The following PCDHGA7 variants were observed in gnomAD, a reference collection of about 807,000 sequenced individuals.
PCDHGA7 encodes the protein protocadherin gamma-A7.
A neutral mutation model predicts 58.3 loss-of-function variants in PCDHGA7; 44 were observed. The ratio of observed to expected loss-of-function variants is 0.75; its 90% CI spans 0.59 to 0.97. PCDHGA7 has a LOEUF of 0.97. PCDHGA7 is among the 50% of genes least tolerant of loss of function. The pLI, the probability that PCDHGA7 is intolerant of heterozygous loss-of-function variation, is 0.00. For synonymous variants in PCDHGA7, 516 were observed against 504.2 expected (o/e 1.02, Z -0.31); for missense variants, 1,266 against 1,188.7 (o/e 1.06, Z -0.96).
At position 141,384,580 on chromosome 5, in the gene PCDHGA7, G is replaced by T; in HGVS notation, c.1681G>T (p.Glu561Ter). 6.2e-7 allele frequency: 1 copy of T among 1,614,196 alleles called. No homozygotes were observed. The highest frequency in any genetic ancestry group is 8.5e-7 in the Non-Finnish European group (1 of 1,180,026). ...GCTGGACCAGAATGACAACCCGCCC[G>T]AGATCCTGTACCCGGCCCTCCCCAC... ...FVLDQNDNPP[E>*]ILYPALPTDG... The change falls in exon 1 of 4, where the codon GAG becomes TAG. Residue 561 changes from glutamate (E) to a stop codon, truncating the protein, a stop_gained. Transcript: ENST00000518325. LOFTEE classifies it high-confidence loss of function.
intron 1 of PCDHGA7, among the ~76,000 whole-genome samples, chr5:141,458,081 G>GTTT (rs1259527184): frequency 6.6e-6 from 1 of 152,186 alleles, no homozygotes; most frequent in Non-Finnish European, 1.5e-5. Flanking sequence ...CTATATTGCC[G>GTTT]TAAGTTAAGA....
At position 141,436,288 on chromosome 5, in the gene PCDHGA7, C is replaced by T. The variant is rs533281663; in HGVS notation, c.2424+50965C>T. On this transcript the variant is annotated intron_variant, in intron 1 of 3. Coordinates refer to ENST00000518325, the MANE Select transcript of PCDHGA7 (RefSeq NM_018920.4). ...CACCTAACTTGATTTAGGAACAAATCATTGAGAGTTAGAGCATGAATAGTC... is the reference window on the plus strand; with the variant it reads ...CACCTAACTTGATTTAGGAACAAATTATTGAGAGTTAGAGCATGAATAGTC... 3.9e-3 allele frequency among the ~76,000 whole-genome samples: 590 copies of T among 152,274 alleles called. 9 individuals are homozygous for T. Among genetic ancestry groups the T allele is most frequent in the Middle Eastern group, 0.01 (3 of 294 alleles).
At chr5:141,392,571 G>A (rs920993262) in intron 1 of PCDHGA7, 5 of 449,626 alleles carry the variant, frequency 1.1e-5, no homozygotes, top group African/African-American at 1.0e-4. Flanking sequence ...TAACTATTTA[G>A]GACTGTAAGC....
intron 1 of PCDHGA7, chr5:141,388,479 C>A (rs1345463224): frequency 6.2e-7 from 1 of 1,613,770 alleles, no homozygotes. Context: ...ATTGAAGACA[C>A]CTTTGGACAG....
Position 141,491,869 on chromosome 5 carries a change from G to A in PCDHGA7, c.2425-2938G>A. On this transcript the variant is annotated intron_variant, in intron 1 of 3. Transcript: ENST00000518325. The surrounding 1 kb of genome is among the most constrained non-coding windows in gnomAD (Gnocchi z 6.9). ...GGACCGTTTGCGCGAAACCAGAGTG[G>A]CCGATTAAGGGATGGGGCTCCGAGC... The A allele has an allele frequency of 6.9e-7, 1 of 1,453,094 alleles. No individual in the cohort carries two copies. Among genetic ancestry groups the A allele is most frequent in the Non-Finnish European group, 9.1e-7 (1 of 1,099,380 alleles). 90.0% of individuals were successfully genotyped at this position (1,453,094 alleles called of 1,614,324 possible).
In PCDHGA7 at chr5:141,485,275, G is replaced by C. The variant is rs77402299; in HGVS notation, c.2425-9532G>C. ...ACGTTTGTGGGCAGATCCGCTACCC[G>C]GTCCCAGAGGAGTCACAGGAAGGGA... On this transcript the variant is annotated intron_variant, in intron 1 of 3. Transcript: ENST00000518325. The surrounding 1 kb of genome is among the most constrained non-coding windows in gnomAD (Gnocchi z 5.7). The C allele has an allele frequency of 2.5e-6, 4 of 1,614,072 alleles. No individual in the cohort carries two copies. Among genetic ancestry groups the C allele is most frequent in the Admixed American group, 1.7e-5 (1 of 60,024 alleles).
chr5:141,382,742 A>G lies in PCDHGA7; in HGVS notation c.-158A>G. 1.7e-6 allele frequency: 1 copy of G among 585,144 alleles called. No individual in the cohort carries two copies. The highest frequency in any genetic ancestry group is 2.9e-6 in the Non-Finnish European group (1 of 345,064). The allele number at this position is 585,144 out of a possible 1,614,324, so 36.2% of individuals were successfully genotyped here. On this transcript the variant is annotated 5_prime_UTR_variant, in exon 1 of 4. Transcript: ENST00000518325. ...GAGTTTTACAGCACAGAGAAACGAC[A>G]GATTGCGATAAGCCCTCTTCCAGGC...
intron 1 of PCDHGA7, chr5:141,404,321 T>C (rs764642673): frequency 1.2e-6 from 2 of 1,613,882 alleles, no homozygotes; most frequent in East Asian, 2.2e-5. Flanking sequence ...TCAAGCCTCC[T>C]ACTCAGTCTA....
In PCDHGA7 at chr5:141,476,336, C is replaced by A; in HGVS notation, c.2425-18471C>A. 18 of 1,614,008 alleles carry A rather than the reference C, an allele frequency of 1.1e-5. No homozygotes were observed. Among genetic ancestry groups the A allele is most frequent in the Non-Finnish European group, 1.5e-5 (18 of 1,180,008 alleles). ...GTTCCGGGTGGTGTCTGGAGCTAGC[C>A]GAAGATTCTTTGAGGTGAACCGGGA... On this transcript the variant is annotated intron_variant, in intron 1 of 3. Coordinates refer to ENST00000518325, the MANE Select transcript of PCDHGA7 (RefSeq NM_018920.4). The surrounding 1 kb of genome is among the most constrained non-coding windows in gnomAD (Gnocchi z 7.6).
chr5:141,429,048 G>A (rs2097180589), intron 1 of PCDHGA7: 5 of 152,064 alleles, frequency 3.3e-5, no homozygotes, highest in Admixed American at 3.3e-4. Context: ...TACAGACGGG[G>A]TTTCACCGTG....
rs1779161077 is a variant in PCDHGA7 at position 141,383,469 on chromosome 5, G to A, written c.570G>A (p.Lys190=). Residue 190 remains lysine (K), a synonymous_variant, in exon 1 of 4, where the codon AAG becomes AAA. Coordinates refer to ENST00000518325, the MANE Select transcript of PCDHGA7 (RefSeq NM_018920.4). ...TGCAAAGTGGAGACGATGAAACTAA[G>A]TACCCGGAACTGGTGCTGGAGCGGG... ...LAVQSGDDET[K]YPELVLERVL... is the part of the protein sequence containing the mutation. 1 of 1,613,786 alleles carries A rather than the reference G, an allele frequency of 6.2e-7. No homozygotes were observed. Among genetic ancestry groups the A allele is most frequent in the South Asian group, 1.1e-5 (1 of 91,058 alleles).
In PCDHGA7 at chr5:141,486,581, C is replaced by T; in HGVS notation, c.2425-8226C>T. 1 of 1,613,764 alleles carries T rather than the reference C, an allele frequency of 6.2e-7. No individual in the cohort carries two copies. The highest frequency in any genetic ancestry group is 1.1e-5 in the South Asian group (1 of 91,082). On this transcript the variant is annotated intron_variant, in intron 1 of 3. Coordinates refer to ENST00000518325, the MANE Select transcript of PCDHGA7 (RefSeq NM_018920.4). This position sits in a 1 kb window ranked among gnomAD's most constrained non-coding sequence, Gnocchi z 5.0. ...GGTGTTTGTTCCTGAGAACAATCGC[C>T]CAGGGGACCTGCTTTGCTCCCTTGC... is the stretch of plus-strand genomic sequence containing the variant.
At position 141,415,520 on chromosome 5, in the gene PCDHGA7, C is replaced by A. The variant is rs200535016; in HGVS notation, c.2424+30197C>A. The A allele has an allele frequency of 1.8e-4, 288 of 1,614,072 alleles. 3 individuals carry two copies. The highest frequency in any genetic ancestry group is 6.7e-5 in the Non-Finnish European group (79 of 1,180,044). On this transcript the variant is annotated intron_variant, in intron 1 of 3. Coordinates refer to ENST00000518325, the MANE Select transcript of PCDHGA7 (RefSeq NM_018920.4). Reference sequence around the variant, plus strand: ...TTCCCCCAGCCCAATTATGCGGACACGCTCATCAGCCAGGAGAGCTGTGAG... The same window carrying A: ...TTCCCCCAGCCCAATTATGCGGACAAGCTCATCAGCCAGGAGAGCTGTGAG...
intron 1 of PCDHGA7, among the ~76,000 whole-genome samples, chr5:141,456,691 G>A (rs564429451): frequency 3.3e-5 from 5 of 152,234 alleles, no homozygotes; most frequent in South Asian, 4.1e-4. Flanking sequence ...CTGGCCAGGC[G>A]TGGTGGCTCG....
intron 1 of PCDHGA7, among the ~76,000 whole-genome samples, chr5:141,473,383 C>A (rs976400317): frequency 3.3e-5 from 5 of 152,200 alleles, no homozygotes; most frequent in African/African-American, 9.6e-5. Context: ...GGTCCCTGCC[C>A]TCCTGGAGCT....
At chr5:141,505,028 G>A (rs2099842951) in intron 2 of PCDHGA7, among the ~76,000 whole-genome samples, 1 of 152,164 alleles carries the variant, frequency 6.6e-6, no homozygotes, top group Admixed American at 6.5e-5. Flanking sequence ...CTGGCACAGT[G>A]GCAGGTGCCT....
chr5:141,453,317 G>A (rs1218359210), intron 1 of PCDHGA7, among the ~76,000 whole-genome samples: 1 of 151,178 alleles, frequency 6.6e-6, no homozygotes, highest in Non-Finnish European at 1.5e-5. Flanking sequence ...ATTTATTTTA[G>A]AGATGGGGTC....
rs1182148013 is a variant in PCDHGA7, at chr5:141,431,510, G to C, written c.2424+46187G>C. On this transcript the variant is annotated intron_variant, in intron 1 of 3. Transcript: ENST00000518325. This position sits in a 1 kb window ranked among gnomAD's most constrained non-coding sequence, Gnocchi z 4.8. ...TGCTCAGCCCGAGTACCGCGCGAGC[G>C]TTCCGGAGAATCTGGCCTTGGGCAC... 6.2e-7 allele frequency: 1 copy of C among 1,614,022 alleles called. No homozygotes were observed. The highest frequency in any genetic ancestry group is 8.5e-7 in the Non-Finnish European group (1 of 1,180,026).
chr5:141,486,163 G>A lies in PCDHGA7; in HGVS notation c.2425-8644G>A. 2.5e-6 allele frequency: 4 copies of A among 1,614,212 alleles called. No individual in the cohort carries two copies. Among genetic ancestry groups the A allele is most frequent in the Non-Finnish European group, 3.4e-6 (4 of 1,180,034 alleles). The stretch of plus-strand genomic sequence containing the variant: ...CTCGCGATGGGGGTTCTCCAGCCAT[G>A]GAGCAACATTGCAGCCTTCGAGTGG... On this transcript the variant is annotated intron_variant, in intron 1 of 3. Transcript: ENST00000518325. This position sits in a 1 kb window ranked among gnomAD's most constrained non-coding sequence, Gnocchi z 5.0.
Sources: allele counts gnomAD v4.1 joint callset (sites outside exome capture counted in the v4.1 genomes callset), GRCh38; gene constraint gnomAD v4.1.1; non-coding constraint Gnocchi (gnomAD v3.1); transcripts MANE v1.5; gene names NCBI Gene and HGNC (gene_info 2026-07-23, HGNC 2026-07-21).